The following RTEL1 variants were observed in gnomAD, a reference collection of about 807,000 sequenced individuals.
RTEL1 encodes regulator of telomere elongation helicase 1, also known as regulator of telomere length.
Under a neutral mutation model 162.2 loss-of-function variants are expected in RTEL1, and 86 were observed. The ratio of observed to expected loss-of-function variants is 0.53; its 90% CI spans 0.45 to 0.63. The LOEUF (loss-of-function observed/expected upper bound fraction) is 0.63, where lower values mean the gene tolerates loss of function less well. Ranked by LOEUF, RTEL1 falls within the 30% of genes least tolerant of loss-of-function variation. RTEL1 has a pLI of 0.00. For missense variants in RTEL1, 1,941 were observed against 1,750.2 expected (o/e 1.11, Z -1.95); for synonymous variants, 958 against 717.9 (o/e 1.33, Z -5.35).
In RTEL1 at chr20:63,667,522, T is replaced by G; in HGVS notation, c.668T>G (p.Phe223Cys). Residue 223 changes from phenylalanine to cysteine, a missense_variant, in exon 8 of 35, where the codon TTC becomes TGC. Coordinates refer to ENST00000360203, the MANE Select transcript of RTEL1 (RefSeq NM_001283009.2). ...CTGAAGCAGCAAGCCGACATCATAT[T>G]CATGCCGTACAATTACTTGTTGGAT... ...RNLKQQADII[F>C]MPYNYLLDAK... 3.7e-6 allele frequency: 6 copies of G among 1,614,022 alleles called. No homozygotes were observed. Among genetic ancestry groups the G allele is most frequent in the Non-Finnish European group, 5.1e-6 (6 of 1,179,914 alleles).
At chr20:63,695,277 A>G in intron 33 of RTEL1, 51 bp from the exon 34 acceptor site, 1 of 1,598,772 alleles carries the variant, frequency 6.3e-7, no homozygotes, top group Non-Finnish European at 8.5e-7. Context: ...CAGCCCTGGG[A>G]GTGAGCAGCA....
rs2090705111 is a variant in RTEL1 at position 63,690,325 on chromosome 20, C to A, written c.2297C>A (p.Pro766His). 1.9e-6 allele frequency: 3 copies of A among 1,610,242 alleles called. No homozygotes were observed. Among genetic ancestry groups the A allele is most frequent in the Admixed American group, 1.7e-5 (1 of 59,870 alleles). The change falls in exon 26 of 35, where the codon CCC becomes CAC. Residue 766 changes from proline (P) to histidine (H), a missense_variant. Physicochemically the swap from Pro to His is moderately conservative, Grantham distance 77. Transcript: ENST00000360203. ...MPAPAPRATA[P>H]SVRGEDAVSE... ...GCGCCGGCCCCCCGGGCTACAGCAC[C>A]CAGTGTGCGTGGAGAAGATGCTGTC...
At position 63,694,982 on chromosome 20, in the gene RTEL1, G is replaced by C. The variant is rs768036242; in HGVS notation, c.3343+8G>C. 9.3e-6 allele frequency: 15 copies of C among 1,611,732 alleles called. No homozygotes were observed. Among genetic ancestry groups the C allele is most frequent in the Non-Finnish European group, 1.2e-5 (14 of 1,179,388 alleles). ...ACTTCCCCCTGCTGCACAGCAAGTG[G>C]CCCTGGCGTGGGGAACAGCCGGTGG... On this transcript the variant is annotated splice_region_variant and intron_variant, in intron 32 of 34. Coordinates refer to ENST00000360203, the MANE Select transcript of RTEL1 (RefSeq NM_001283009.2).
Position 63,661,817 on chromosome 20 carries a change from C to T in RTEL1, c.302-33C>T. 1 of 1,586,666 alleles carries T rather than the reference C, an allele frequency of 6.3e-7. No homozygotes were observed. The highest frequency in any genetic ancestry group is 8.7e-7 in the Non-Finnish European group (1 of 1,154,994). On this transcript the variant is annotated intron_variant, in intron 3 of 34. Transcript: ENST00000360203. The surrounding 1 kb of genome is among the most constrained non-coding windows in gnomAD (Gnocchi z 5.1). ...GATACGTGAGAACGTTGTCTGAGAA[C>T]CGTGACTTCTGTGCTTGCTTGTGTC...
chr20:63,694,302 C>A, intron 30 of RTEL1, 70 bp from the exon 31 acceptor site: 6 of 856,720 alleles, frequency 7.0e-6, no homozygotes, highest in Non-Finnish European at 7.8e-6. Context: ...CTAGCCAGCC[C>A]TGCCCCCCCA....
At position 63,674,230 on chromosome 20, in the gene RTEL1, C is replaced by T. The variant is rs866823031; in HGVS notation, c.919+137C>T. 43 of 1,419,106 alleles carry T rather than the reference C, an allele frequency of 3.0e-5. No homozygotes were observed. In the African/African-American group the frequency reaches 4.0e-4, roughly 13 times the overall value. The allele number at this position is 1,419,106 out of a possible 1,614,324, so 87.9% of individuals were successfully genotyped here. ...CTTGGTCCTGAGGCCCGTGCTACTG[C>T]AGTGGGCAGCCTGCCCTGTGGCTGT... On this transcript the variant is annotated intron_variant, in intron 10 of 34. Transcript: ENST00000360203.
chr20:63,692,662 C>T (rs1299878615), intron 28 of RTEL1, 143 bp from the exon 29 acceptor site: 2 of 782,268 alleles, frequency 2.6e-6, no homozygotes, highest in South Asian at 1.7e-5. Context: ...TATGTCCATC[C>T]AGCCAGCCAG....
intron 5 of RTEL1, 57 bp from the exon 6 acceptor site, chr20:63,662,772 G>A: frequency 1.2e-6 from 2 of 1,605,480 alleles, no homozygotes; most frequent in Middle Eastern, 1.7e-4. Context: ...GGTGGGGACT[G>A]GCTTCGGTCC....
At chr20:63,678,807 T>A (rs1222041048) in intron 12 of RTEL1, among the ~76,000 whole-genome samples, 1 of 73,066 alleles carries the variant, frequency 1.4e-5, no homozygotes, top group Admixed American at 1.7e-4. Flanking sequence ...GCACACACAC[T>A]CCCACGGAAC....
At chr20:63,674,171 C>G in intron 10 of RTEL1, 78 bp downstream of exon 10, 1 of 1,527,698 alleles carries the variant, frequency 6.5e-7, no homozygotes. Flanking sequence ...TCAGCACGGA[C>G]TCCCCCAGCC....
intron 24 of RTEL1, 44 bp from the exon 25 acceptor site, chr20:63,690,043 G>C: frequency 6.3e-7 from 1 of 1,595,890 alleles, no homozygotes; most frequent in Non-Finnish European, 8.5e-7. Context: ...CTGAACCCTT[G>C]AAGCGGCTGT....
At chr20:63,666,548 T>C (rs1335971920) in intron 7 of RTEL1, among the ~76,000 whole-genome samples, 2 of 152,226 alleles carry the variant, frequency 1.3e-5, no homozygotes, top group Admixed American at 6.5e-5. Context: ...CCTCCCCCTT[T>C]TTTTTGAAAC....
At chr20:63,679,430 C>T (rs959579574) in intron 12 of RTEL1, among the ~76,000 whole-genome samples, 8 of 152,118 alleles carry the variant, frequency 5.3e-5, no homozygotes, top group African/African-American at 7.2e-5. Context: ...CCAGAGCCAC[C>T]GCCTCCCAGA....
intron 4 of RTEL1, 102 bp from the exon 5 acceptor site, chr20:63,662,444 C>T (rs2090039096): frequency 1.3e-6 from 2 of 1,569,358 alleles, no homozygotes; most frequent in East Asian, 2.3e-5. Flanking sequence ...CTTCCTCTGA[C>T]CGCCGAGGCT....
chr20:63,669,186 G>C, intron 8 of RTEL1, among the ~76,000 whole-genome samples: 1 of 152,302 alleles, frequency 6.6e-6, no homozygotes, highest in East Asian at 1.9e-4. Context: ...CAATTTAATT[G>C]AGAGAGGAAA....
intron 2 of RTEL1, among the ~76,000 whole-genome samples, chr20:63,660,322 A>C (rs1197334188): frequency 1.3e-5 from 2 of 152,212 alleles, no homozygotes; most frequent in Non-Finnish European, 2.9e-5. Flanking sequence ...ATTTCAGACT[A>C]TCACATGGAG....
chr20:63,670,826 A>G (rs901458652), intron 8 of RTEL1, among the ~76,000 whole-genome samples: 1 of 151,926 alleles, frequency 6.6e-6, no homozygotes, highest in Non-Finnish European at 1.5e-5. Flanking sequence ...CAAAAAAAAA[A>G]AAAAAGAAAA....
At position 63,693,012 on chromosome 20, in the gene RTEL1, G is replaced by A. The variant is rs778092060; in HGVS notation, c.2851+9G>A. 1 of 1,612,220 alleles carries A rather than the reference G, an allele frequency of 6.2e-7. No individual in the cohort carries two copies. Among genetic ancestry groups the A allele is most frequent in the Admixed American group, 1.7e-5 (1 of 60,008 alleles). On this transcript the variant is annotated intron_variant, in intron 29 of 34. Transcript: ENST00000360203. ...GCACAACCTGCTCCAAGGTGCCCTG[G>A]CTTGCAGAGGCCACCCACCCTGAGG...
intron 16 of RTEL1, chr20:63,687,402 T>G (rs958536132): frequency 1.9e-6 from 1 of 528,160 alleles, no homozygotes; most frequent in Admixed American, 3.6e-5. Context: ...AGCCTCTGCC[T>G]GGGGTCTGCC....
Sources: allele counts gnomAD v4.1 joint callset (sites outside exome capture counted in the v4.1 genomes callset), GRCh38; gene constraint gnomAD v4.1.1; non-coding constraint Gnocchi (gnomAD v3.1); transcripts MANE v1.5; gene names NCBI Gene and HGNC (gene_info 2026-07-23, HGNC 2026-07-21).